Variants in APBB2 observed in about 807,000 individuals in gnomAD.
APBB2 encodes the protein amyloid beta precursor protein binding family B member 2, also known as Fe65-like 1.
In APBB2, 38 loss-of-function variants were observed where a neutral mutation model predicts 82.5. That is an observed-to-expected ratio of 0.46 (90% confidence interval 0.36 to 0.60). The LOEUF (loss-of-function observed/expected upper bound fraction) is 0.60, where lower values mean the gene tolerates loss of function less well. APBB2 is among the 20% of genes least tolerant of loss of function. APBB2 has a pLI of 0.00. For synonymous variants in APBB2, 341 were observed against 368.2 expected, an observed-to-expected ratio of 0.93 and a Z score of 0.85; for missense variants, 772 against 972.3, an observed-to-expected ratio of 0.79 and a Z score of 2.74.
At chr4:41,132,426 T>C (rs1291909754) in intron 2 of APBB2, among the ~76,000 whole-genome samples, 1 of 152,248 alleles carries the variant, frequency 6.6e-6, no homozygotes, top group East Asian at 1.9e-4. Context: ...ACCCTGGCTT[T>C]ATCTGTGCAT....
At chr4:40,837,168 G>T (rs746604725) in intron 12 of APBB2, among the ~76,000 whole-genome samples, 30 of 152,248 alleles carry the variant, frequency 2.0e-4, no homozygotes, top group Non-Finnish European at 3.7e-4. Context: ...CTCAGGCCGA[G>T]CATGTGGGCT....
chr4:40,933,342 CA>C (rs1784666442), intron 10 of APBB2, among the ~76,000 whole-genome samples: 1 of 152,158 alleles, frequency 6.6e-6, no homozygotes, highest in Non-Finnish European at 1.5e-5. Flanking sequence ...ATGCACTGAT[CA>C]GGGGCGGGTA....
At chr4:40,983,554 C>A (rs1160246402) in intron 6 of APBB2, among the ~76,000 whole-genome samples, 2 of 149,628 alleles carry the variant, frequency 1.3e-5, no homozygotes, top group Non-Finnish European at 3.0e-5. Context: ...GTCCAAGTTT[C>A]TTAACGAAGA....
chr4:40,968,302 C>T (rs66476971), intron 6 of APBB2, among the ~76,000 whole-genome samples: 36,141 of 151,930 alleles, frequency 0.24, 4,589 homozygotes, highest in African/African-American at 0.33. Flanking sequence ...ATTTCAGAAA[C>T]TGACTCCAGA....
At chr4:41,081,561 A>C (rs149796454) in intron 3 of APBB2, among the ~76,000 whole-genome samples, 19 of 152,280 alleles carry the variant, frequency 1.2e-4, no homozygotes, top group Non-Finnish European at 2.4e-4. Context: ...AAATATATTC[A>C]TTGTGTCAAA....
At chr4:41,079,919 CACA>C (rs1446230183) in intron 3 of APBB2, among the ~76,000 whole-genome samples, 7 of 152,154 alleles carry the variant, frequency 4.6e-5, no homozygotes, top group Admixed American at 2.0e-4. Context: ...TAATTGACCT[CACA>C]ACAACCTCAC....
chr4:40,870,885 A>G (rs911167105), intron 12 of APBB2, among the ~76,000 whole-genome samples: 2 of 151,920 alleles, frequency 1.3e-5, no homozygotes, highest in East Asian at 3.9e-4. Flanking sequence ...GGTGCATGAC[A>G]CCACACCCAG....
At chr4:40,960,711 T>C (rs2154392052) in intron 6 of APBB2, among the ~76,000 whole-genome samples, 2 of 152,238 alleles carry the variant, frequency 1.3e-5, no homozygotes, top group East Asian at 3.9e-4. Flanking sequence ...CCTCCCAGAG[T>C]GCTGGGATTA....
chr4:40,875,080 C>G (rs750871423), intron 12 of APBB2, among the ~76,000 whole-genome samples: 2 of 152,170 alleles, frequency 1.3e-5, no homozygotes, highest in Non-Finnish European at 2.9e-5. Flanking sequence ...AGCTGTGCTG[C>G]CTGGGATGGG....
chr4:41,056,064 G>A (rs1402653430), intron 4 of APBB2, among the ~76,000 whole-genome samples: 2 of 152,030 alleles, frequency 1.3e-5, no homozygotes, highest in East Asian at 1.9e-4. Flanking sequence ...CATGGTGGCA[G>A]GTGCCTGTGG....
chr4:41,113,567 T>C (rs541308066), intron 2 of APBB2, among the ~76,000 whole-genome samples: 1 of 152,326 alleles, frequency 6.6e-6, no homozygotes, highest in East Asian at 1.9e-4. Context: ...GCAGATGACA[T>C]GATTGTGTAT....
intron 1 of APBB2, among the ~76,000 whole-genome samples, chr4:41,172,553 G>A (rs893812942): frequency 6.6e-6 from 1 of 152,194 alleles, no homozygotes. Context: ...TAGATTAGGA[G>A]CATCCAGAGG....
chr4:40,926,696 G>T (rs747327454), intron 10 of APBB2, among the ~76,000 whole-genome samples: 1 of 152,172 alleles, frequency 6.6e-6, no homozygotes, highest in Non-Finnish European at 1.5e-5. Flanking sequence ...CAGGTGATCC[G>T]CCACGCCTGG....
chr4:41,081,609 C>T (rs1254178333), intron 3 of APBB2, among the ~76,000 whole-genome samples: 1 of 151,896 alleles, frequency 6.6e-6, no homozygotes, highest in Non-Finnish European at 1.5e-5. Flanking sequence ...AATTTTTTTT[C>T]CATCTCAACA....
intron 3 of APBB2, among the ~76,000 whole-genome samples, chr4:41,080,660 G>A (rs1737257022): frequency 6.6e-6 from 1 of 151,300 alleles, no homozygotes; most frequent in Non-Finnish European, 1.5e-5. Flanking sequence ...TCACCTTGGG[G>A]GACAATTATT....
At chr4:41,082,012 C>G (rs1000344871) in intron 3 of APBB2, among the ~76,000 whole-genome samples, 6 of 152,086 alleles carry the variant, frequency 3.9e-5, no homozygotes, top group African/African-American at 1.4e-4. Flanking sequence ...TTACTGGCAA[C>G]AGGGAACTTA....
intron 2 of APBB2, among the ~76,000 whole-genome samples, chr4:41,121,890 TG>T (rs1219501125): frequency 1.7e-4 from 26 of 151,884 alleles, no homozygotes; most frequent in South Asian, 4.2e-4. Flanking sequence ...CTTCCTTTTT[TG>T]GTTGTGTGTG....
In APBB2 at chr4:40,832,024, A is replaced by G. The variant is rs1252185851; in HGVS notation, c.1530-1447T>C. Among the ~76,000 whole-genome samples the G allele has an allele frequency of 6.6e-6, 1 of 150,518 alleles. No individual in the cohort carries two copies. Among genetic ancestry groups the G allele is most frequent in the Non-Finnish European group, 1.5e-5 (1 of 67,754 alleles). On this transcript the variant is annotated intron_variant, in intron 12 of 17. Coordinates refer to ENST00000508593, the MANE Select transcript of APBB2 (RefSeq NM_004307.2). The surrounding 1 kb of genome is among the most constrained non-coding windows in gnomAD (Gnocchi z 4.8). ...TATATTTATTTATATACACACACAC[A>G]CACACACACACACACACACACACAC...
chr4:40,986,707 A>G (rs1800497351), intron 6 of APBB2, among the ~76,000 whole-genome samples: 2 of 152,254 alleles, frequency 1.3e-5, no homozygotes, highest in African/African-American at 4.8e-5. Flanking sequence ...AATCTACTGC[A>G]TTAATCCATC....
Sources: allele counts gnomAD v4.1 joint callset (sites outside exome capture counted in the v4.1 genomes callset), GRCh38; gene constraint gnomAD v4.1.1; non-coding constraint Gnocchi (gnomAD v3.1); transcripts MANE v1.5; gene names NCBI Gene and HGNC (gene_info 2026-07-23, HGNC 2026-07-21).